The following HEXB variants were observed in gnomAD, a reference collection of about 807,000 sequenced individuals.
The protein encoded by HEXB is hexosaminidase subunit beta, also known as beta-hexosaminidase subunit beta.
HEXB carries 51 observed loss-of-function variants against 71.2 expected under a neutral mutation model. The observed-to-expected ratio is 0.72, with a 90% confidence interval of 0.57 to 0.90. The LOEUF is 0.90. Ranked by LOEUF, HEXB falls within the 40% of genes least tolerant of loss-of-function variation. The pLI, the probability that HEXB is intolerant of heterozygous loss-of-function variation, is 0.00. For synonymous variants in HEXB, 266 were observed against 249.3 expected, an observed-to-expected ratio of 1.07 and a Z score of -0.63; for missense variants, 617 against 677.0, an observed-to-expected ratio of 0.91 and a Z score of 0.98.
intron 5 of HEXB, among the ~76,000 whole-genome samples, chr5:74,700,227 C>T: frequency 6.6e-6 from 1 of 151,630 alleles, no homozygotes; most frequent in East Asian, 1.9e-4. Context: ...AGGCTGGTCT[C>T]AAACTCCTGA....
intron 5 of HEXB, among the ~76,000 whole-genome samples, chr5:74,699,164 A>AGGCGTACC (rs1749189927): frequency 6.6e-6 from 1 of 152,164 alleles, no homozygotes; most frequent in South Asian, 2.1e-4. Flanking sequence ...AGCCTGGGCA[A>AGGCGTACC]CAGAGCAAGA....
At chr5:74,648,288 T>C in intron 1 of HEXB, among the ~76,000 whole-genome samples, 1 of 152,250 alleles carries the variant, frequency 6.6e-6, no homozygotes, top group Non-Finnish European at 1.5e-5. Context: ...CATTAGATTA[T>C]TGTAAGAGAT....
At chr5:74,712,172 A>G (rs1749558625) in intron 6 of HEXB, among the ~76,000 whole-genome samples, 2 of 147,038 alleles carry the variant, frequency 1.4e-5, no homozygotes, top group African/African-American at 2.6e-5. Flanking sequence ...TCAGTAAACT[A>G]TCACAAGAAC....
At chr5:74,688,794 G>A (rs184002863) in intron 1 of HEXB, among the ~76,000 whole-genome samples, 1 of 152,336 alleles carries the variant, frequency 6.6e-6, no homozygotes, top group Non-Finnish European at 1.5e-5. Flanking sequence ...ACATTAGGAT[G>A]TCCAAAAGTA....
At chr5:74,689,219 C>A (rs1376562342) in intron 1 of HEXB, 109 bp from the exon 2 acceptor site, 21 of 858,766 alleles carry the variant, frequency 2.4e-5, no homozygotes, top group African/African-American at 5.0e-5. Context: ...GTTGGACTTA[C>A]AATGGGCAGC....
rs1561229611 is a variant in HEXB, at chr5:74,720,940, G to C, written c.1614-178G>C. The C allele has an allele frequency of 5.3e-6, 4 of 761,802 alleles. 1 individual carries two copies. Among genetic ancestry groups the C allele is most frequent in the Non-Finnish European group, 6.7e-6 (3 of 450,436 alleles). 47.2% of individuals were successfully genotyped at this position (761,802 alleles called of 1,614,324 possible). ...TGTTTTATAGATACAAAAAATGTTG[G>C]TGTAACTTAGAACTCCATCTTGAGT... On this transcript the variant is annotated intron_variant, in intron 13 of 13. Transcript: ENST00000261416.
intron 5 of HEXB, among the ~76,000 whole-genome samples, chr5:74,703,384 G>T (rs1749307778): frequency 6.6e-6 from 1 of 152,156 alleles, no homozygotes; most frequent in Non-Finnish European, 1.5e-5. Flanking sequence ...GATGTTTCAG[G>T]CCTGTCTTCC....
chr5:74,657,125 A>G (rs1748234243), intron 1 of HEXB, among the ~76,000 whole-genome samples: 1 of 152,140 alleles, frequency 6.6e-6, no homozygotes, highest in Non-Finnish European at 1.5e-5. Context: ...AGAACCTCCC[A>G]GACTGTTGGT....
At chr5:74,699,775 A>G (rs910337085) in intron 5 of HEXB, among the ~76,000 whole-genome samples, 1 of 151,970 alleles carries the variant, frequency 6.6e-6, no homozygotes, top group Non-Finnish European at 1.5e-5. Context: ...ATTTTTTGGT[A>G]CATTTTAACT....
chr5:74,679,798 C>CAAAAAAAAAAAAAAAAAAAAAAAAAAAA (rs70976121), intron 1 of HEXB, among the ~76,000 whole-genome samples: 1 of 38,890 alleles, frequency 2.6e-5, no homozygotes, highest in Non-Finnish European at 4.2e-5. Flanking sequence ...GACTCCGTCT[C>CAAAAAAAAAAAAAAAAAAAAAAAAAAAA]AAAAAAAAAA....
At chr5:74,651,359 A>C (rs994689866) in intron 1 of HEXB, among the ~76,000 whole-genome samples, 1 of 152,234 alleles carries the variant, frequency 6.6e-6, no homozygotes, top group Admixed American at 6.5e-5. Flanking sequence ...TATAGCATGA[A>C]TAAATTTAAT....
intron 1 of HEXB, among the ~76,000 whole-genome samples, chr5:74,655,719 G>T (rs553397548): frequency 7.2e-5 from 11 of 152,136 alleles, no homozygotes; most frequent in Non-Finnish European, 1.6e-4. Context: ...CTAATTAAAA[G>T]AAATCAGTTA....
chr5:74,720,136 C>A, intron 11 of HEXB: 1 of 383,056 alleles, frequency 2.6e-6, no homozygotes, highest in Non-Finnish European at 4.9e-6. Flanking sequence ...TTGCATAAAA[C>A]CAAAATAAAA....
chr5:74,642,168 C>G (rs1201547169), intron 1 of HEXB, among the ~76,000 whole-genome samples: 1 of 152,166 alleles, frequency 6.6e-6, no homozygotes, highest in Non-Finnish European at 1.5e-5. Context: ...GTATTTGCGC[C>G]GAGAAATTTC....
At chr5:74,682,251 C>G (rs866765002), upstream of HEXB, among the ~76,000 whole-genome samples, 1 of 152,096 alleles carries the variant, frequency 6.6e-6, no homozygotes, top group East Asian at 1.9e-4. Context: ...CCAGCTACGC[C>G]GGAGGCTGAG....
intron 6 of HEXB, among the ~76,000 whole-genome samples, chr5:74,708,410 A>G (rs1020995595): frequency 6.7e-6 from 1 of 148,954 alleles, no homozygotes; most frequent in Non-Finnish European, 1.5e-5. Context: ...AGCTAACATC[A>G]TAATGACAGG....
In HEXB at chr5:74,703,119, A is replaced by C. The variant is rs538171329; in HGVS notation, c.670-2100A>C. ...AGGCATCCGCCACCACGCCCAGCTAATTTTTCTATTTTTAGTAGAGATGGG... is the reference window on the plus strand; with the variant it reads ...AGGCATCCGCCACCACGCCCAGCTACTTTTTCTATTTTTAGTAGAGATGGG... On this transcript the variant is annotated intron_variant, in intron 5 of 13. Transcript: ENST00000261416. 1.3e-3 allele frequency among the ~76,000 whole-genome samples: 205 copies of C among 152,098 alleles called. 2 individuals carry two copies. Among genetic ancestry groups the C allele is most frequent in the South Asian group, 0.011 (53 of 4,800 alleles).
chr5:74,710,223 G>C (rs1444162168), intron 6 of HEXB, among the ~76,000 whole-genome samples: 1 of 151,900 alleles, frequency 6.6e-6, no homozygotes, highest in African/African-American at 2.4e-5. Flanking sequence ...AAAGGCCTTT[G>C]ACAAAATTCA....
At chr5:74,644,768 T>C (rs899333968) in intron 1 of HEXB, among the ~76,000 whole-genome samples, 1 of 116,026 alleles carries the variant, frequency 8.6e-6, no homozygotes, top group African/African-American at 3.6e-5. Context: ...TTTTTCCTTT[T>C]TTTTTTTTTT....
Sources: gnomAD v4.1 joint callset for allele counts (sites outside exome capture counted in the v4.1 genomes callset) on GRCh38, gnomAD v4.1.1 for gene constraint, MANE v1.5 for transcripts, NCBI Gene and HGNC (gene_info 2026-07-23, HGNC 2026-07-21) for gene names.